The following SYTL5 variants were observed in gnomAD, a reference collection of about 807,000 sequenced individuals.
The protein encoded by SYTL5 is synaptotagmin like 5.
A neutral mutation model predicts 55.9 loss-of-function variants in SYTL5; 34 were observed. The ratio of observed to expected loss-of-function variants is 0.61; its 90% CI spans 0.46 to 0.81. SYTL5 has a LOEUF of 0.81. Among genes scored for constraint, SYTL5 ranks in the 30% least tolerant of loss-of-function variants. The pLI is 0.00. For synonymous variants in SYTL5, 221 were observed against 188.7 expected (o/e 1.17, Z -1.40); for missense variants, 637 against 546.7 (o/e 1.17, Z -1.65).
the SYTL5 span, among the ~76,000 whole-genome samples, chrX:37,983,730 G>A: frequency 8.9e-6 from 1 of 111,830 alleles, no homozygotes; most frequent in Non-Finnish European, 1.9e-5. Context: ...AATAGACCAT[G>A]TGCTAGGCCA....
the SYTL5 span, among the ~76,000 whole-genome samples, chrX:37,981,208 A>G: frequency 3.6e-5 from 4 of 112,561 alleles, no homozygotes; most frequent in Admixed American, 9.4e-5. Flanking sequence ...TGCTAAATTA[A>G]TCAGAGATAT....
rs188296829 is a variant in SYTL5, at chrX:38,116,673, A to G, written c.1597-3685A>G. ...TTGTTTTCAAATCTTTAGTTCTTCT[A>G]TTCAACTGAATTGTTATAGTAGCAG... On this transcript the variant is annotated intron_variant, in intron 13 of 16. Coordinates refer to ENST00000297875, the MANE Select transcript of SYTL5 (RefSeq NM_138780.3). 1.7e-3 allele frequency among the ~76,000 whole-genome samples: 197 copies of G among 112,886 alleles called. 2 individuals are homozygous for G. The highest frequency in any genetic ancestry group is 6.1e-3 in the African/African-American group (189 of 31,143).
chrX:37,998,470 G>A, the SYTL5 span, among the ~76,000 whole-genome samples: 2 of 111,947 alleles, frequency 1.8e-5, no homozygotes, highest in Non-Finnish European at 3.8e-5. Context: ...TCGTGCGCCT[G>A]GTCCAGTGGC....
At chrX:38,077,505 C>G (rs915776252) in intron 6 of SYTL5, among the ~76,000 whole-genome samples, 2 of 110,902 alleles carry the variant, frequency 1.8e-5, no homozygotes, top group Non-Finnish European at 3.8e-5. Flanking sequence ...TTGCATTCTT[C>G]CCTGTAATCC....
rs1000514507 is a variant in SYTL5 at position 38,103,204 on chromosome X, A to G, written c.1155+770A>G. 23 of 484,065 alleles carry G rather than the reference A, an allele frequency of 4.8e-5. No homozygotes were observed. In the African/African-American group the frequency reaches 5.3e-4, roughly 11 times the overall value. The allele number at this position is 484,065 out of a possible 1,213,427, so 39.9% of individuals were successfully genotyped here. A position where few individuals can be genotyped will look rare whatever the true frequency, so the allele number is the denominator to read the frequency against. On this transcript the variant is annotated intron_variant, in intron 10 of 16. Transcript: ENST00000297875. The stretch of plus-strand genomic sequence containing the variant: ...ACATTTATCTTTTTCCGACTTATAT[A>G]CAATTAACCAGAGGTTATCTTCTAA...
chrX:37,917,213 C>G, the SYTL5 span, among the ~76,000 whole-genome samples: 2 of 111,593 alleles, frequency 1.8e-5, no homozygotes, highest in African/African-American at 6.5e-5. Flanking sequence ...ACCATAAAGT[C>G]ACATTTTTTT....
At chrX:37,917,435 T>A in the SYTL5 span, among the ~76,000 whole-genome samples, 1 of 112,073 alleles carries the variant, frequency 8.9e-6, no homozygotes, top group East Asian at 2.8e-4. Flanking sequence ...AATCTTATTT[T>A]TGGCCAGTGG....
the SYTL5 span, among the ~76,000 whole-genome samples, chrX:37,904,265 C>CG: frequency 0.023 from 1,435 of 63,077 alleles, 22 homozygotes; most frequent in East Asian, 0.054. Flanking sequence ...TGGGGTGGTC[C>CG]GGGGGGGGGG....
intron 6 of SYTL5, among the ~76,000 whole-genome samples, chrX:38,085,890 G>A (rs754555905): frequency 2.6e-4 from 29 of 111,017 alleles, no homozygotes; most frequent in Non-Finnish European, 4.3e-4. Context: ...CTGGGAAGCT[G>A]TTATCAAGAT....
chrX:37,894,929 T>C, the SYTL5 span, among the ~76,000 whole-genome samples: 1 of 111,552 alleles, frequency 9.0e-6, no homozygotes, highest in East Asian at 2.8e-4. Context: ...TTTTCAGTCC[T>C]TTGGATTCTG....
chrX:38,071,484 C>T (rs1258862360), intron 3 of SYTL5, among the ~76,000 whole-genome samples: 1 of 111,843 alleles, frequency 8.9e-6, no homozygotes, highest in Non-Finnish European at 1.9e-5. Context: ...TTACAATGGC[C>T]AACCTGTCTC....
At chrX:37,910,086 A>T in the SYTL5 span, among the ~76,000 whole-genome samples, 1 of 111,807 alleles carries the variant, frequency 8.9e-6, no homozygotes, top group Admixed American at 9.5e-5. Context: ...AGATGACTCC[A>T]ACATGTGCCT....
chrX:37,973,632 A>C, the SYTL5 span, among the ~76,000 whole-genome samples: 1 of 99,474 alleles, frequency 1.0e-5, no homozygotes, highest in Non-Finnish European at 1.9e-5. Context: ...GAGCAATATA[A>C]AACACTTTTT....
chrX:37,946,218 A>G, the SYTL5 span: 2 of 115,783 alleles, frequency 1.7e-5, no homozygotes, highest in Non-Finnish European at 3.6e-5. Flanking sequence ...AGCTGCTTTT[A>G]TGTGTGGAAC....
intron 3 of SYTL5, among the ~76,000 whole-genome samples, chrX:38,065,698 T>C (rs2147364167): frequency 8.9e-6 from 1 of 112,232 alleles, no homozygotes; most frequent in South Asian, 3.7e-4. Context: ...AAGAAAGGAA[T>C]AAATGTACAC....
chrX:37,936,701 A>T, the SYTL5 span, among the ~76,000 whole-genome samples: 1 of 111,179 alleles, frequency 9.0e-6, no homozygotes, highest in Non-Finnish European at 1.9e-5. Context: ...CCAACAGTTG[A>T]TATAGTCCAT....
intron 14 of SYTL5, among the ~76,000 whole-genome samples, chrX:38,121,815 T>C (rs1479854684): frequency 8.9e-6 from 1 of 112,714 alleles, no homozygotes; most frequent in East Asian, 2.8e-4. Context: ...TGAAAAGATA[T>C]GCTTTGTAAG....
chrX:37,905,115 C>G, the SYTL5 span, among the ~76,000 whole-genome samples: 8,352 of 110,502 alleles, frequency 0.076, 433 homozygotes, highest in African/African-American at 0.18. Flanking sequence ...ACCGTCCCAA[C>G]GAAGCACTGC....
At chrX:37,992,399 C>T in the SYTL5 span, among the ~76,000 whole-genome samples, 1 of 113,155 alleles carries the variant, frequency 8.8e-6, no homozygotes, top group Non-Finnish European at 1.9e-5. Flanking sequence ...GGCTGCACAG[C>T]CGGCTCCAAC....
Sources: gnomAD v4.1 joint callset for allele counts (sites outside exome capture counted in the v4.1 genomes callset) on GRCh38, gnomAD v4.1.1 for gene constraint, MANE v1.5 for transcripts, NCBI Gene and HGNC (gene_info 2026-07-23, HGNC 2026-07-21) for gene names.